PLEKHA5: variants seen among roughly 807,000 people sequenced by gnomAD.
The protein encoded by PLEKHA5 is pleckstrin homology domain-containing family A member 5.
Under a neutral mutation model 181.9 loss-of-function variants are expected in PLEKHA5, and 55 were observed. The ratio of observed to expected loss-of-function variants is 0.30; its 90% CI spans 0.24 to 0.38. The LOEUF (loss-of-function observed/expected upper bound fraction) is 0.38, where lower values mean the gene tolerates loss of function less well. Ranked by LOEUF, PLEKHA5 falls within the 10% of genes least tolerant of loss-of-function variation. The pLI is 1.00. For missense variants in PLEKHA5, 1,432 were observed against 1,549.5 expected (o/e 0.92, Z 1.27); for synonymous variants, 535 against 529.4 (o/e 1.01, Z -0.15).
intron 26 of PLEKHA5, among the ~76,000 whole-genome samples, chr12:19,354,829 A>G (rs1324255590): frequency 6.6e-6 from 1 of 152,196 alleles, no homozygotes; most frequent in Non-Finnish European, 1.5e-5. Context: ...AGACCTAGTC[A>G]ACACCTAATT....
At chr12:19,153,006 T>G (rs1409432466) in intron 3 of PLEKHA5, 1 of 31,348 alleles carries the variant, frequency 3.2e-5, no homozygotes, top group Non-Finnish European at 2.2e-4. Context: ...TTTTGTTTTT[T>G]TTTTTGTTGT....
chr12:19,265,670 A>G, intron 7 of PLEKHA5, 80 bp from the exon 8 acceptor site: 1 of 783,314 alleles, frequency 1.3e-6, no homozygotes, highest in Admixed American at 2.2e-5. Context: ...GAACCTTTTG[A>G]TTTGGCAAAA....
chr12:19,146,633 G>T (rs2038995229), intron 3 of PLEKHA5, among the ~76,000 whole-genome samples: 1 of 152,072 alleles, frequency 6.6e-6, no homozygotes, highest in South Asian at 2.1e-4. Context: ...GTAAATAGAG[G>T]TACTAAATAT....
At chr12:19,250,519 C>A (rs1396092324) in intron 3 of PLEKHA5, among the ~76,000 whole-genome samples, 1 of 152,034 alleles carries the variant, frequency 6.6e-6, no homozygotes, top group Non-Finnish European at 1.5e-5. Context: ...GGAGGCGGAA[C>A]TTGCAGTGAG....
chr12:19,279,121 T>C (rs1289390508), intron 11 of PLEKHA5, among the ~76,000 whole-genome samples: 1 of 152,220 alleles, frequency 6.6e-6, no homozygotes, highest in Non-Finnish European at 1.5e-5. Flanking sequence ...TAAAGAGCTC[T>C]CTGGTGCGAT....
chr12:19,304,023 G>T (rs1025218440), intron 15 of PLEKHA5, among the ~76,000 whole-genome samples: 1 of 151,626 alleles, frequency 6.6e-6, no homozygotes, highest in Non-Finnish European at 1.5e-5. Flanking sequence ...TGCCCATGCT[G>T]GTCTTGAACT....
At chr12:19,354,404 C>T (rs1452580557) in intron 26 of PLEKHA5, among the ~76,000 whole-genome samples, 3 of 147,610 alleles carry the variant, frequency 2.0e-5, no homozygotes, top group Non-Finnish European at 4.5e-5. Flanking sequence ...CTGCCCACCT[C>T]GGCCTCCCAA....
chr12:19,306,538 C>T (rs770600967), intron 15 of PLEKHA5: 1 of 747,820 alleles, frequency 1.3e-6, no homozygotes, highest in Non-Finnish European at 2.5e-6. Flanking sequence ...ACGCCGCGAG[C>T]AGCGCCGTGA....
intron 3 of PLEKHA5, among the ~76,000 whole-genome samples, chr12:19,227,594 G>T (rs1004593554): frequency 1.3e-5 from 2 of 152,150 alleles, no homozygotes; most frequent in African/African-American, 4.8e-5. Flanking sequence ...TGTCCAGAAG[G>T]TATAAAAATC....
chr12:19,138,919 G>C (rs1471001544), intron 3 of PLEKHA5, among the ~76,000 whole-genome samples: 2 of 152,044 alleles, frequency 1.3e-5, no homozygotes, highest in Non-Finnish European at 2.9e-5. Context: ...TTTATTTTCC[G>C]GGCAAGCCTT....
At chr12:19,178,702 T>A (rs2047868367) in intron 3 of PLEKHA5, among the ~76,000 whole-genome samples, 1 of 152,214 alleles carries the variant, frequency 6.6e-6, no homozygotes, top group African/African-American at 2.4e-5. Context: ...GCTCATGACT[T>A]CATTGCTTTT....
chr12:19,232,589 AGTT>A (rs983304500), intron 3 of PLEKHA5, among the ~76,000 whole-genome samples: 2 of 152,154 alleles, frequency 1.3e-5, no homozygotes, highest in Non-Finnish European at 2.9e-5. Flanking sequence ...GTATTTTAGA[AGTT>A]GTCACTCTCT....
At chr12:19,134,386 A>G (rs1171894981) in intron 3 of PLEKHA5, among the ~76,000 whole-genome samples, 1 of 152,126 alleles carries the variant, frequency 6.6e-6, no homozygotes, top group Non-Finnish European at 1.5e-5. Context: ...CATAGCCAGT[A>G]ATTGTGTCCA....
chr12:19,159,759 G>A (rs758294778), intron 3 of PLEKHA5, among the ~76,000 whole-genome samples: 6 of 151,974 alleles, frequency 3.9e-5, no homozygotes, highest in Non-Finnish European at 7.4e-5. Flanking sequence ...GTCAGGTATA[G>A]GTAAATAAAA....
At chr12:19,248,761 G>T (rs528861754) in intron 3 of PLEKHA5, among the ~76,000 whole-genome samples, 2 of 152,058 alleles carry the variant, frequency 1.3e-5, no homozygotes, top group Admixed American at 1.3e-4. Context: ...CCATAGTTGG[G>T]GTTGAGTATG....
intron 3 of PLEKHA5, among the ~76,000 whole-genome samples, chr12:19,203,987 A>G (rs950589241): frequency 1.3e-5 from 2 of 152,066 alleles, no homozygotes; most frequent in South Asian, 4.1e-4. Context: ...GAGACACAAA[A>G]CATATGCGTA....
At chr12:19,310,991 T>C (rs1197875647) in intron 15 of PLEKHA5, among the ~76,000 whole-genome samples, 1 of 152,196 alleles carries the variant, frequency 6.6e-6, no homozygotes, top group Non-Finnish European at 1.5e-5. Context: ...GGGTGGTGGT[T>C]GCTGAAGGTT....
intron 3 of PLEKHA5, among the ~76,000 whole-genome samples, chr12:19,193,466 G>T (rs1200767154): frequency 6.6e-6 from 1 of 152,028 alleles, no homozygotes; most frequent in Admixed American, 6.6e-5. Flanking sequence ...TTTATACTTG[G>T]ACGTTTATTC....
chr12:19,347,757 G>T (rs1175257363), intron 24 of PLEKHA5, among the ~76,000 whole-genome samples: 3 of 152,256 alleles, frequency 2.0e-5, no homozygotes, highest in East Asian at 3.9e-4. Flanking sequence ...GAATTTTAGT[G>T]CTGGGATGGG....
Sources: gnomAD v4.1 joint callset for allele counts (sites outside exome capture counted in the v4.1 genomes callset) on GRCh38, gnomAD v4.1.1 for gene constraint, MANE v1.5 for transcripts, NCBI Gene and HGNC (gene_info 2026-07-23, HGNC 2026-07-21) for gene names.